The following RUNX2 variants were observed in gnomAD, a reference collection of about 807,000 sequenced individuals.
RUNX2 encodes runt-related transcription factor 2.
In RUNX2, 10 loss-of-function variants were observed where a neutral mutation model predicts 51.7. That is an observed-to-expected ratio of 0.19 (90% confidence interval 0.12 to 0.33). RUNX2 has a LOEUF of 0.33. Ranked by LOEUF, RUNX2 falls within the 10% of genes least tolerant of loss-of-function variation. The pLI is 1.00. For missense variants in RUNX2, 562 were observed against 691.3 expected (o/e 0.81, Z 2.10); for synonymous variants, 276 against 273.6 (o/e 1.01, Z -0.09).
At chr6:45,493,193 G>C (rs1207582112) in intron 6 of RUNX2, among the ~76,000 whole-genome samples, 1 of 152,128 alleles carries the variant, frequency 6.6e-6, no homozygotes, top group Non-Finnish European at 1.5e-5. Context: ...TAGTCGGAAT[G>C]TATGAGTTTG....
At chr6:45,528,014 G>T (rs145855624) in intron 7 of RUNX2, among the ~76,000 whole-genome samples, 1 of 152,160 alleles carries the variant, frequency 6.6e-6, no homozygotes, top group African/African-American at 2.4e-5. Flanking sequence ...GGCAAAACGC[G>T]AAAGAGGAGA....
intron 6 of RUNX2, among the ~76,000 whole-genome samples, chr6:45,499,561 CTCTG>C (rs1563112989): frequency 6.6e-6 from 1 of 152,126 alleles, no homozygotes; most frequent in Non-Finnish European, 1.5e-5. Flanking sequence ...CTTAAAGGTG[CTCTG>C]TTTGGATTTC....
At chr6:45,438,272 C>T (rs770424513) in intron 5 of RUNX2, among the ~76,000 whole-genome samples, 3 of 152,038 alleles carry the variant, frequency 2.0e-5, no homozygotes, top group African/African-American at 7.2e-5. Flanking sequence ...CTAAGGCCTC[C>T]GTAGCTTTGG....
intron 4 of RUNX2, among the ~76,000 whole-genome samples, chr6:45,432,680 C>T (rs1278325855): frequency 6.6e-6 from 1 of 152,008 alleles, no homozygotes; most frequent in Non-Finnish European, 1.5e-5. Flanking sequence ...AATTAGAGAT[C>T]CTTAAATAGA....
At chr6:45,473,064 G>A (rs1799851624) in intron 5 of RUNX2, among the ~76,000 whole-genome samples, 1 of 152,104 alleles carries the variant, frequency 6.6e-6, no homozygotes, top group South Asian at 2.1e-4. Flanking sequence ...AGGCTTAAAG[G>A]GTGGTCTTCT....
intron 7 of RUNX2, 95 bp downstream of exon 7, chr6:45,512,502 CT>C: frequency 1.5e-6 from 2 of 1,363,920 alleles, no homozygotes; most frequent in Non-Finnish European, 2.1e-6. Context: ...CACAGTGACT[CT>C]CTATTAGAGG....
intron 2 of RUNX2, among the ~76,000 whole-genome samples, chr6:45,344,436 GTTTT>G (rs146401592): frequency 1.4e-5 from 2 of 147,542 alleles, no homozygotes; most frequent in African/African-American, 5.0e-5. Flanking sequence ...TTCTCTGATG[GTTTT>G]TTTTTTCATT....
At chr6:45,521,215 T>C (rs1243965899) in intron 7 of RUNX2, among the ~76,000 whole-genome samples, 2 of 151,870 alleles carry the variant, frequency 1.3e-5, no homozygotes, top group Non-Finnish European at 2.9e-5. Context: ...AAGATAGATA[T>C]GTAGGAGAAA....
At chr6:45,523,414 C>T (rs1801568210) in intron 7 of RUNX2, among the ~76,000 whole-genome samples, 1 of 151,846 alleles carries the variant, frequency 6.6e-6, no homozygotes, top group African/African-American at 2.4e-5. Flanking sequence ...TTATAGGCAC[C>T]TGCCACGATG....
At chr6:45,456,356 C>T (rs371589432) in intron 5 of RUNX2, among the ~76,000 whole-genome samples, 2 of 151,964 alleles carry the variant, frequency 1.3e-5, no homozygotes, top group Non-Finnish European at 2.9e-5. Context: ...AAATCCTGTT[C>T]GATTAAAAAT....
intron 2 of RUNX2, among the ~76,000 whole-genome samples, chr6:45,336,588 T>C (rs114764157): frequency 0.02 from 3,076 of 151,604 alleles, 43 homozygotes; most frequent in Non-Finnish European, 0.032. Context: ...TATTTAATTA[T>C]TAAATGGTTA....
intron 5 of RUNX2, among the ~76,000 whole-genome samples, chr6:45,466,185 C>T (rs1333352905): frequency 2.6e-5 from 4 of 151,484 alleles, no homozygotes; most frequent in Non-Finnish European, 4.4e-5. Context: ...GTGTGGTGGG[C>T]GCCTGTAATC....
intron 7 of RUNX2, among the ~76,000 whole-genome samples, chr6:45,525,859 G>A (rs1801661734): frequency 6.6e-6 from 1 of 152,020 alleles, no homozygotes; most frequent in Non-Finnish European, 1.5e-5. Flanking sequence ...GCTGGGGGTG[G>A]TGCGTGCCTG....
At chr6:45,421,633 C>G in intron 2 of RUNX2, 1 of 152,264 alleles carries the variant, frequency 6.6e-6, no homozygotes, top group Non-Finnish European at 1.5e-5. Flanking sequence ...GCTTCAATCT[C>G]TTCCTACAAA....
intron 2 of RUNX2, among the ~76,000 whole-genome samples, chr6:45,345,542 T>C (rs762290281): frequency 1.3e-5 from 2 of 152,196 alleles, no homozygotes; most frequent in Non-Finnish European, 2.9e-5. Context: ...TCCTCTAAGA[T>C]AGAAACCTTG....
chr6:45,489,426 C>A (rs1800387913), intron 5 of RUNX2, among the ~76,000 whole-genome samples: 1 of 152,142 alleles, frequency 6.6e-6, no homozygotes, highest in African/African-American at 2.4e-5. Context: ...AGTCTGAGCT[C>A]ACATCTCATA....
intron 2 of RUNX2, among the ~76,000 whole-genome samples, chr6:45,353,414 A>G (rs1053673559): frequency 6.6e-6 from 1 of 152,094 alleles, no homozygotes; most frequent in African/African-American, 2.4e-5. Flanking sequence ...AGAAGCTATA[A>G]TAACTAAAAT....
At chr6:45,533,375 G>A (rs1254222713) in intron 7 of RUNX2, among the ~76,000 whole-genome samples, 1 of 152,142 alleles carries the variant, frequency 6.6e-6, no homozygotes, top group Non-Finnish European at 1.5e-5. Flanking sequence ...ACTAAGATGT[G>A]TTTGTTTTTG....
chr6:45,525,599 T>C (rs1801649556), intron 7 of RUNX2, among the ~76,000 whole-genome samples: 1 of 152,190 alleles, frequency 6.6e-6, no homozygotes, highest in African/African-American at 2.4e-5. Context: ...GGCTAGTTTT[T>C]CCCCAAGGTA....
Sources: allele counts gnomAD v4.1 joint callset (sites outside exome capture counted in the v4.1 genomes callset), GRCh38; gene constraint gnomAD v4.1.1; transcripts MANE v1.5; gene names NCBI Gene and HGNC (gene_info 2026-07-23, HGNC 2026-07-21).